The following C11orf65 variants were observed in gnomAD, a reference collection of about 807,000 sequenced individuals.
The protein encoded by C11orf65 is protein MFI.
A neutral mutation model predicts 35.3 loss-of-function variants in C11orf65; 38 were observed. The ratio of observed to expected loss-of-function variants is 1.08; its 90% CI spans 0.83 to 1.41. The LOEUF (loss-of-function observed/expected upper bound fraction) is 1.41. C11orf65 is among the 40% of genes most tolerant of loss of function. The pLI is 0.00. For missense variants in C11orf65, 370 were observed against 367.1 expected (o/e 1.01, Z -0.06); for synonymous variants, 105 against 114.4 (o/e 0.92, Z 0.53).
intron 6 of C11orf65, among the ~76,000 whole-genome samples, chr11:108,394,909 T>C (rs1471411029): frequency 5.3e-5 from 8 of 151,954 alleles, no homozygotes; most frequent in African/African-American, 1.9e-4. Context: ...GGCAGGAGGA[T>C]CACTTGAAGC....
At position 108,373,998 on chromosome 11, in the gene C11orf65, C is replaced by T. The variant is rs183424838; in HGVS notation, c.226+19210G>A. 2.0e-3 allele frequency among the ~76,000 whole-genome samples: 305 copies of T among 152,326 alleles called. 1 individual carries two copies. The highest frequency in any genetic ancestry group is 3.4e-3 in the Non-Finnish European group (234 of 68,034). ...AGGGGCACCCGCCATTGCCCAGGCT[C>T]GCTTAGGTAAACAAAGCAGCCGGGA... is the stretch of plus-strand genomic sequence containing the variant. On this transcript the variant is annotated intron_variant, in intron 2 of 3. Coordinates refer to the C11orf65 transcript ENST00000524755.
At chr11:108,452,588 G>A (rs908725209) in intron 2 of C11orf65, among the ~76,000 whole-genome samples, 15 of 152,208 alleles carry the variant, frequency 9.9e-5, no homozygotes, top group Admixed American at 3.3e-4. Flanking sequence ...AGAAGACAGT[G>A]TGGCAATTCC....
rs1442282493 is a variant in C11orf65 at position 108,455,056 on chromosome 11, T to TGG, written c.81+6421_81+6422dup. Among the ~76,000 whole-genome samples the TGG allele has an allele frequency of 4.6e-5, 7 of 152,238 alleles. No individual in the cohort carries two copies. The East Asian group carries it at 1.3e-3, about 29-fold the overall frequency. ...TGCCTTTGCTGCATCCCATACGTTTTGGTATGTTGTGTCTCCATTTTGTTT... is the reference window on the plus strand; with the variant it reads ...TGCCTTTGCTGCATCCCATACGTTTTGGGGTATGTTGTGTCTCCATTTTGTTT... On this transcript the variant is annotated intron_variant, in intron 2 of 8. Transcript: ENST00000393084.
At chr11:108,381,572 C>A (rs1340556646), downstream of C11orf65, among the ~76,000 whole-genome samples, 2 of 152,196 alleles carry the variant, frequency 1.3e-5, no homozygotes, top group Non-Finnish European at 2.9e-5. Flanking sequence ...AGTTTTTTGG[C>A]TTTTCTCCCT....
intron 2 of C11orf65, among the ~76,000 whole-genome samples, chr11:108,454,531 C>G (rs2093390058): frequency 6.6e-6 from 1 of 152,190 alleles, no homozygotes. Context: ...CTCCCGACCT[C>G]AGGTGATCCG....
chr11:108,398,802 AT>A (rs1291645767), intron 6 of C11orf65, among the ~76,000 whole-genome samples: 1 of 152,256 alleles, frequency 6.6e-6, no homozygotes, highest in Non-Finnish European at 1.5e-5. Flanking sequence ...ATGAAATAAA[AT>A]GATGACGATG....
intron 2 of C11orf65, among the ~76,000 whole-genome samples, chr11:108,453,281 T>A: frequency 6.9e-6 from 1 of 143,898 alleles, no homozygotes; most frequent in South Asian, 2.2e-4. Context: ...AAGAAAATAA[T>A]GACAAACTAA....
intron 6 of C11orf65, among the ~76,000 whole-genome samples, chr11:108,320,497 T>A (rs2085124562): frequency 6.6e-6 from 1 of 152,256 alleles, no homozygotes; most frequent in African/African-American, 2.4e-5. Flanking sequence ...AGTGACTTAA[T>A]AAATCCTATG....
At chr11:108,395,271 C>T (rs1239167114) in intron 6 of C11orf65, among the ~76,000 whole-genome samples, 2 of 151,824 alleles carry the variant, frequency 1.3e-5, no homozygotes, top group Admixed American at 1.3e-4. Context: ...TGGGAGACTC[C>T]CTTGAATCCA....
intron 2 of C11orf65, among the ~76,000 whole-genome samples, chr11:108,436,932 G>A (rs1750878380): frequency 6.6e-6 from 1 of 152,026 alleles, no homozygotes; most frequent in Non-Finnish European, 1.5e-5. Flanking sequence ...ACAAACAAAA[G>A]CTGAAGGGAT....
chr11:108,375,432 T>C (rs1472867437), intron 2 of C11orf65, among the ~76,000 whole-genome samples: 3 of 150,422 alleles, frequency 2.0e-5, no homozygotes, highest in Non-Finnish European at 3.0e-5. Flanking sequence ...GACAAGCAAA[T>C]GCTGAGAGAT....
chr11:108,320,725 T>C (rs2136230883), intron 6 of C11orf65, among the ~76,000 whole-genome samples: 1 of 152,332 alleles, frequency 6.6e-6, no homozygotes. Context: ...CAGTTGATCC[T>C]TGAACCACTT....
downstream of C11orf65, chr11:108,328,885 T>G: frequency 1.0e-6 from 1 of 992,268 alleles, no homozygotes; most frequent in South Asian, 1.6e-5. Context: ...TGGACAAGTT[T>G]GCAATAGTTC....
chr11:108,358,999 G>A (rs1423367401), intron 2 of C11orf65, among the ~76,000 whole-genome samples: 2 of 151,520 alleles, frequency 1.3e-5, no homozygotes, highest in Non-Finnish European at 2.9e-5. Context: ...ACACAGACTG[G>A]CAAATTGGAT....
chr11:108,404,210 T>TAGA (rs928296666), intron 6 of C11orf65, among the ~76,000 whole-genome samples: 17 of 152,310 alleles, frequency 1.1e-4, no homozygotes, highest in African/African-American at 1.4e-4. Context: ...TCTGTCCCAG[T>TAGA]AGGATTTCCC....
intron 2 of C11orf65, among the ~76,000 whole-genome samples, chr11:108,337,233 TA>T (rs904698778): frequency 4.6e-5 from 7 of 152,186 alleles, no homozygotes; most frequent in African/African-American, 1.4e-4. Flanking sequence ...TACTGTTCAT[TA>T]AGGAAAGCAC....
At chr11:108,401,134 T>C (rs1472432129) in intron 6 of C11orf65, among the ~76,000 whole-genome samples, 1 of 150,642 alleles carries the variant, frequency 6.6e-6, no homozygotes, top group Non-Finnish European at 1.5e-5. Context: ...GAGAAAGAAA[T>C]ATGCTGCTCC....
At chr11:108,327,560 C>A, downstream of C11orf65, 1 of 1,124,648 alleles carries the variant, frequency 8.9e-7, no homozygotes, top group Non-Finnish European at 1.3e-6. Context: ...ACATTTTTAA[C>A]CTGCTTTTTT....
chr11:108,425,652 C>T (rs1045632442), intron 3 of C11orf65, among the ~76,000 whole-genome samples: 5 of 152,162 alleles, frequency 3.3e-5, no homozygotes, highest in Admixed American at 6.6e-5. Context: ...TTTTATGAGG[C>T]CAGCATCATC....
Sources: allele counts gnomAD v4.1 joint callset (sites outside exome capture counted in the v4.1 genomes callset), GRCh38; gene constraint gnomAD v4.1.1; transcripts MANE v1.5; gene names NCBI Gene and HGNC (gene_info 2026-07-23, HGNC 2026-07-21).